OTOGL: variants seen among roughly 807,000 people sequenced by gnomAD.
The protein encoded by OTOGL is otogelin-like protein.
In OTOGL, 285 loss-of-function variants were observed where a neutral mutation model predicts 318.5. That is an observed-to-expected ratio of 0.89 (90% confidence interval 0.81 to 0.99). OTOGL has a LOEUF of 0.99. OTOGL is among the 50% of genes least tolerant of loss of function. The pLI is 0.00. For missense variants in OTOGL, 2,899 were observed against 2,845.6 expected, an observed-to-expected ratio of 1.02 and a Z score of -0.43; for synonymous variants, 987 against 936.5, an observed-to-expected ratio of 1.05 and a Z score of -0.99.
At chr12:80,116,141 C>T (rs540591411) in intron 1 of OTOGL, among the ~76,000 whole-genome samples, 37 of 152,240 alleles carry the variant, frequency 2.4e-4, no homozygotes, top group Admixed American at 7.2e-4. Flanking sequence ...CCCAAATGGC[C>T]GCCCAGTTTT....
chr12:80,126,330 T>A (rs1365440983), intron 1 of OTOGL, among the ~76,000 whole-genome samples: 1 of 152,156 alleles, frequency 6.6e-6, no homozygotes, highest in East Asian at 1.9e-4. Context: ...GTTGTTCAGT[T>A]TCCATGTAGT....
At chr12:80,341,470 T>A (rs949062943) in intron 43 of OTOGL, among the ~76,000 whole-genome samples, 13 of 152,226 alleles carry the variant, frequency 8.5e-5, no homozygotes, top group African/African-American at 2.9e-4. Flanking sequence ...TGGAATGATG[T>A]CATGCACTAG....
At chr12:80,162,364 G>A (rs901687895) in intron 1 of OTOGL, among the ~76,000 whole-genome samples, 7 of 152,222 alleles carry the variant, frequency 4.6e-5, no homozygotes, top group Non-Finnish European at 7.4e-5. Flanking sequence ...TGTACAACTA[G>A]TTCCTTTTTA....
chr12:80,233,979 T>C (rs931268434), intron 9 of OTOGL, among the ~76,000 whole-genome samples: 4 of 150,984 alleles, frequency 2.6e-5, no homozygotes, highest in African/African-American at 4.9e-5. Context: ...TTTGAGCACA[T>C]AGCTATGTTA....
Position 80,109,036 on chromosome 12 carries a change from C to T in OTOGL, c.-20+9431C>T, listed in dbSNP as rs183828971. On this transcript the variant is annotated intron_variant, in intron 1 of 58. Transcript: ENST00000547103. ...TTTGGCTTTAAGACAGCTCTTATATCTTTCTGACTCGTCTCCAGTCTTTAA... is the reference window on the plus strand; with the variant it reads ...TTTGGCTTTAAGACAGCTCTTATATTTTTCTGACTCGTCTCCAGTCTTTAA... 7.7e-4 allele frequency among the ~76,000 whole-genome samples: 115 copies of T among 150,222 alleles called. 1 individual carries two copies. In the East Asian group the frequency reaches 0.022, roughly 29 times the overall value.
intron 56 of OTOGL, 125 bp from the exon 57 acceptor site, chr12:80,371,894 A>G (rs529408761): frequency 6.3e-5 from 27 of 428,278 alleles, no homozygotes; most frequent in African/African-American, 6.3e-4. Context: ...AATTCCAACT[A>G]TTTTTCTATG....
At chr12:80,263,467 C>T (rs1882705927) in intron 19 of OTOGL, among the ~76,000 whole-genome samples, 1 of 152,032 alleles carries the variant, frequency 6.6e-6, no homozygotes, top group South Asian at 2.1e-4. Flanking sequence ...CACTTTTCTT[C>T]CCATATCCCA....
intron 1 of OTOGL, among the ~76,000 whole-genome samples, chr12:80,114,309 T>C (rs571165647): frequency 2.6e-5 from 4 of 152,296 alleles, no homozygotes; most frequent in African/African-American, 9.6e-5. Flanking sequence ...GCAGGTCTGG[T>C]GGTGACAAAA....
At position 80,318,976 on chromosome 12, in the gene OTOGL, TTCATAGTATTAA is replaced by T. The variant is rs57024928; in HGVS notation, c.3802+267_3802+278del. Among the ~76,000 whole-genome samples the T allele has an allele frequency of 0.065, 9,882 of 152,228 alleles. 1,103 individuals carry two copies. The highest frequency in any genetic ancestry group is 0.23 in the African/African-American group (9,375 of 41,488). On this transcript the variant is annotated intron_variant, in intron 33 of 58. Coordinates refer to ENST00000547103, the MANE Select transcript of OTOGL (RefSeq NM_001378609.3). ...TTTTAAATAAAATATAGCTAAAATTTTCATAGTATTAATCACAGAACTTAATTTGATGTTTTT... is the reference window on the plus strand; with the variant it reads ...TTTTAAATAAAATATAGCTAAAATTTTCACAGAACTTAATTTGATGTTTTT...
At chr12:80,168,514 A>G (rs1592513181) in intron 1 of OTOGL, among the ~76,000 whole-genome samples, 1 of 152,170 alleles carries the variant, frequency 6.6e-6, no homozygotes, top group East Asian at 1.9e-4. Flanking sequence ...CTGCTGATGG[A>G]TTTCATGTTC....
intron 26 of OTOGL, among the ~76,000 whole-genome samples, chr12:80,289,604 G>A (rs1325621955): frequency 6.6e-6 from 1 of 152,220 alleles, no homozygotes; most frequent in South Asian, 2.1e-4. Flanking sequence ...CAGTGAGGAG[G>A]AATCCAGAGA....
At position 80,320,677 on chromosome 12, in the gene OTOGL, A is replaced by T. The variant is rs371164541; in HGVS notation, c.4058A>T (p.His1353Leu). The change falls in exon 34 of 59, where the codon CAT becomes CTT. Residue 1353 changes from histidine (H) to leucine (L), a missense_variant. Transcript: ENST00000547103. Reference protein sequence around the residue: ...SKYDDSEEFKHSSSFSIEEIQ... With the variant: ...SKYDDSEEFKLSSSFSIEEIQ... ...TATGATGATTCTGAAGAATTTAAAC[A>T]TTCAAGTAGCTTCAGCATAGAAGGT... The T allele has an allele frequency of 6.2e-7, 1 of 1,605,580 alleles. No individual in the cohort carries two copies. The highest frequency in any genetic ancestry group is 1.3e-5 in the African/African-American group (1 of 74,732).
chr12:80,358,663 C>A lies in OTOGL; in HGVS notation c.6122-8C>A, dbSNP rs373997499. On this transcript the variant is annotated splice_region_variant and splice_polypyrimidine_tract_variant and intron_variant, in intron 50 of 58. Transcript: ENST00000547103. The stretch of plus-strand genomic sequence containing the variant: ...ATTCATCTTTACCCATGTAATTTTT[C>A]TTTTTAGTATGTGAACCAAACCTTT... 6.4e-5 allele frequency: 101 copies of A among 1,590,314 alleles called. No homozygotes were observed. The highest frequency in any genetic ancestry group is 1.7e-4 in the Middle Eastern group (1 of 5,990).
In OTOGL at chr12:80,264,985, T is replaced by C. The variant is rs754566467; in HGVS notation, c.2015-16T>C. On this transcript the variant is annotated splice_polypyrimidine_tract_variant and intron_variant, in intron 19 of 58. Transcript: ENST00000547103. ...TCTGAACTGTTAAATAAGATGCTAA[T>C]TGGGCTCTTTGTTAGTTGGGTATGC... 4.3e-6 allele frequency: 7 copies of C among 1,612,500 alleles called. No homozygotes were observed. Among genetic ancestry groups the C allele is most frequent in the East Asian group, 2.2e-5 (1 of 44,874 alleles).
At chr12:80,346,386 A>G (rs925721239) in intron 44 of OTOGL, among the ~76,000 whole-genome samples, 8 of 152,144 alleles carry the variant, frequency 5.3e-5, no homozygotes, top group African/African-American at 1.4e-4. Flanking sequence ...AAAGAAAGTT[A>G]AGAACTAAAA....
At chr12:80,164,749 C>T (rs753464049) in intron 1 of OTOGL, among the ~76,000 whole-genome samples, 7 of 152,058 alleles carry the variant, frequency 4.6e-5, no homozygotes, top group Admixed American at 6.6e-5. Context: ...CCCATGGCAG[C>T]GTCTTTGATC....
At chr12:80,142,989 G>A (rs941070753) in intron 1 of OTOGL, among the ~76,000 whole-genome samples, 1 of 152,062 alleles carries the variant, frequency 6.6e-6, no homozygotes, top group Admixed American at 6.6e-5. Flanking sequence ...ATTTTTATGG[G>A]AAGGCATATG....
At chr12:80,177,440 CTT>C (rs1345842713) in intron 1 of OTOGL, among the ~76,000 whole-genome samples, 2 of 152,150 alleles carry the variant, frequency 1.3e-5, no homozygotes, top group African/African-American at 4.8e-5. Context: ...TGATATATCT[CTT>C]GATTCTTTAT....
intron 8 of OTOGL, among the ~76,000 whole-genome samples, chr12:80,230,494 G>A (rs368601414): frequency 3.9e-5 from 6 of 152,110 alleles, no homozygotes; most frequent in African/African-American, 1.4e-4. Context: ...AATACAATGG[G>A]CATTTAAAAA....
Sources: gnomAD v4.1 joint callset for allele counts (sites outside exome capture counted in the v4.1 genomes callset) on GRCh38, gnomAD v4.1.1 for gene constraint, MANE v1.5 for transcripts, NCBI Gene and HGNC (gene_info 2026-07-23, HGNC 2026-07-21) for gene names.